Variants in THSD7A observed in about 807,000 individuals in gnomAD.
THSD7A encodes thrombospondin type 1 domain containing 7A.
Under a neutral mutation model 231.3 loss-of-function variants are expected in THSD7A, and 96 were observed. The ratio of observed to expected loss-of-function variants is 0.41; its 90% CI spans 0.35 to 0.49. The LOEUF (loss-of-function observed/expected upper bound fraction) is 0.49. Among genes scored for constraint, THSD7A ranks in the 20% least tolerant of loss-of-function variants. THSD7A has a pLI of 0.05. For synonymous variants in THSD7A, 940 were observed against 743.3 expected, an observed-to-expected ratio of 1.26 and a Z score of -4.30; for missense variants, 2,290 against 2,070.2, an observed-to-expected ratio of 1.11 and a Z score of -2.06.
At chr7:11,591,867 T>C (rs1253991018) in intron 3 of THSD7A, among the ~76,000 whole-genome samples, 1 of 152,194 alleles carries the variant, frequency 6.6e-6, no homozygotes, top group Non-Finnish European at 1.5e-5. Flanking sequence ...AGTTCTGATT[T>C]AGGTCACGCC....
At chr7:11,447,505 T>C in intron 11 of THSD7A, 81 bp from the exon 12 acceptor site, 5 of 1,265,730 alleles carry the variant, frequency 4.0e-6, no homozygotes, top group Non-Finnish European at 1.1e-6. Flanking sequence ...TAACATTTGG[T>C]TAAGCAGTCA....
chr7:11,642,484 A>C (rs542331583), intron 1 of THSD7A, among the ~76,000 whole-genome samples: 2 of 152,288 alleles, frequency 1.3e-5, no homozygotes, highest in East Asian at 3.9e-4. Flanking sequence ...TATCATACAA[A>C]GCACTTCTAC....
chr7:11,527,685 A>G (rs1788536070), intron 6 of THSD7A, among the ~76,000 whole-genome samples: 1 of 152,198 alleles, frequency 6.6e-6, no homozygotes, highest in South Asian at 2.1e-4. Flanking sequence ...AAAATGTAGA[A>G]TAAATAGTTG....
intron 1 of THSD7A, among the ~76,000 whole-genome samples, chr7:11,707,434 T>C (rs535252723): frequency 4.6e-5 from 7 of 151,076 alleles, no homozygotes; most frequent in East Asian, 2.0e-4. Flanking sequence ...TGAACCTGTA[T>C]ATATAACTCT....
At chr7:11,493,868 T>C (rs1214577565) in intron 6 of THSD7A, among the ~76,000 whole-genome samples, 1 of 151,902 alleles carries the variant, frequency 6.6e-6, no homozygotes, top group African/African-American at 2.4e-5. Context: ...CCTTTGGGGG[T>C]AATATCATCT....
chr7:11,409,807 A>G (rs1345096331), intron 19 of THSD7A, among the ~76,000 whole-genome samples: 1 of 151,688 alleles, frequency 6.6e-6, no homozygotes, highest in Non-Finnish European at 1.5e-5. Flanking sequence ...CAGTGGTGTG[A>G]TCTTGACTCA....
chr7:11,657,091 C>T (rs1406316718), intron 1 of THSD7A, among the ~76,000 whole-genome samples: 1 of 151,662 alleles, frequency 6.6e-6, no homozygotes, highest in Non-Finnish European at 1.5e-5. Flanking sequence ...GCAATGTAGC[C>T]TTAAAAATGT....
chr7:11,719,139 G>C (rs1056402573), intron 1 of THSD7A, among the ~76,000 whole-genome samples: 2 of 151,536 alleles, frequency 1.3e-5, no homozygotes, highest in Admixed American at 6.6e-5. Flanking sequence ...GAAAAGGTAA[G>C]CCTTTTGATT....
chr7:11,460,192 C>G (rs1454567549), intron 11 of THSD7A, among the ~76,000 whole-genome samples: 3 of 151,868 alleles, frequency 2.0e-5, no homozygotes, highest in Non-Finnish European at 4.4e-5. Flanking sequence ...TTGTGGATAG[C>G]CATGAAAATG....
intron 4 of THSD7A, among the ~76,000 whole-genome samples, chr7:11,575,581 C>G (rs567299540): frequency 1.3e-5 from 2 of 152,174 alleles, no homozygotes; most frequent in Non-Finnish European, 2.9e-5. Flanking sequence ...AGCAGAAGAG[C>G]TGTACTCCAG....
rs1319221176 is a variant in THSD7A at position 11,526,903 on chromosome 7, A to G, written c.1822+14516T>C. ...ATCTGTAACCAAATTAAAAAAAATG[A>G]AATTTCTGTGCTCAGCTAACTTTCT... On this transcript the variant is annotated intron_variant, in intron 6 of 27. Coordinates refer to ENST00000423059, the MANE Select transcript of THSD7A (RefSeq NM_015204.3). 2.0e-5 allele frequency among the ~76,000 whole-genome samples: 3 copies of G among 152,140 alleles called. No individual in the cohort carries two copies. In the East Asian group the frequency reaches 5.8e-4, roughly 29 times the overall value.
At chr7:11,462,685 C>A (rs1225133264) in intron 9 of THSD7A, among the ~76,000 whole-genome samples, 1 of 152,110 alleles carries the variant, frequency 6.6e-6, no homozygotes, top group Admixed American at 6.6e-5. Flanking sequence ...ACCTTCAATT[C>A]AGGTCACATT....
intron 1 of THSD7A, among the ~76,000 whole-genome samples, chr7:11,827,915 C>T (rs546146492): frequency 3.2e-4 from 48 of 152,260 alleles, no homozygotes; most frequent in African/African-American, 1.1e-3. Context: ...ACCTTGATGG[C>T]ATTTTCCTAC....
At chr7:11,633,255 C>T (rs1781718359) in intron 2 of THSD7A, among the ~76,000 whole-genome samples, 1 of 152,180 alleles carries the variant, frequency 6.6e-6, no homozygotes, top group African/African-American at 2.4e-5. Context: ...GCTAAGATTT[C>T]ACCCAGCCTG....
intron 6 of THSD7A, among the ~76,000 whole-genome samples, chr7:11,484,492 A>T (rs1786564746): frequency 6.6e-6 from 1 of 151,986 alleles, no homozygotes. Flanking sequence ...ACTTCAGTTT[A>T]TTTTCATTAT....
In THSD7A at chr7:11,704,592, G is replaced by C. The variant is rs75636460; in HGVS notation, c.191-67631C>G. On this transcript the variant is annotated intron_variant, in intron 1 of 27. Coordinates refer to ENST00000423059, the MANE Select transcript of THSD7A (RefSeq NM_015204.3). ...GTAGCTATAGAAGTGTTTCATAAAG[G>C]AGCATTTTTGCCAAGGGACCTTTGG... is the stretch of plus-strand genomic sequence containing the variant. Among the ~76,000 whole-genome samples the C allele has an allele frequency of 6.0e-4, 91 of 150,810 alleles. No homozygotes were observed. In the East Asian group the frequency reaches 0.018, roughly 29 times the overall value.
intron 1 of THSD7A, among the ~76,000 whole-genome samples, chr7:11,819,993 A>G (rs1784820731): frequency 6.6e-6 from 1 of 152,126 alleles, no homozygotes; most frequent in African/African-American, 2.4e-5. Flanking sequence ...TAAAAATAAA[A>G]TCATTTTAAT....
intron 1 of THSD7A, among the ~76,000 whole-genome samples, chr7:11,817,903 G>C (rs28546912): frequency 0.37 from 55,565 of 151,608 alleles, 11,068 homozygotes; most frequent in East Asian, 0.57. Context: ...ACAGGCAAAT[G>C]CACACAAACA....
chr7:11,456,961 A>G (rs903963834), intron 11 of THSD7A, among the ~76,000 whole-genome samples: 1 of 152,108 alleles, frequency 6.6e-6, no homozygotes, highest in African/African-American at 2.4e-5. Flanking sequence ...TGGGAGTACA[A>G]GGACACAATA....
Sources: allele counts gnomAD v4.1 joint callset (sites outside exome capture counted in the v4.1 genomes callset), GRCh38; gene constraint gnomAD v4.1.1; transcripts MANE v1.5; gene names NCBI Gene and HGNC (gene_info 2026-07-23, HGNC 2026-07-21).